MACROD2: variants seen among roughly 807,000 people sequenced by gnomAD.
MACROD2 encodes the protein ADP-ribose glycohydrolase MACROD2.
A neutral mutation model predicts 70.4 loss-of-function variants in MACROD2; 36 were observed. The observed-to-expected ratio is 0.51, with a 90% CI of 0.39 to 0.68. The LOEUF (loss-of-function observed/expected upper bound fraction) is 0.68, where lower values mean the gene tolerates loss of function less well. MACROD2 is among the 30% of genes least tolerant of loss of function. The pLI, the probability that MACROD2 is intolerant of heterozygous loss-of-function variation, is 0.00. For missense variants in MACROD2, 496 were observed against 538.4 expected, an observed-to-expected ratio of 0.92 and a Z score of 0.78; for synonymous variants, 172 against 178.8, an observed-to-expected ratio of 0.96 and a Z score of 0.30.
At chr20:15,046,400 A>G (rs1332500364) in intron 5 of MACROD2, among the ~76,000 whole-genome samples, 1 of 152,176 alleles carries the variant, frequency 6.6e-6, no homozygotes, top group Non-Finnish European at 1.5e-5. Flanking sequence ...CCATTACCGC[A>G]GATTTACCAT....
intron 5 of MACROD2, among the ~76,000 whole-genome samples, chr20:14,808,834 A>T (rs1435060527): frequency 6.6e-6 from 1 of 152,106 alleles, no homozygotes; most frequent in Admixed American, 6.5e-5. Context: ...ATCAAAAAAG[A>T]CAAAGAAGGG....
intron 5 of MACROD2, among the ~76,000 whole-genome samples, chr20:14,976,642 G>A (rs181870933): frequency 3.3e-5 from 5 of 152,194 alleles, no homozygotes; most frequent in African/African-American, 7.2e-5. Flanking sequence ...AGCCTACCTC[G>A]GTTGGTTTCT....
chr20:14,618,797 G>A (rs930211463), intron 4 of MACROD2, among the ~76,000 whole-genome samples: 14 of 152,242 alleles, frequency 9.2e-5, no homozygotes, highest in African/African-American at 3.4e-4. Flanking sequence ...AAATAACAGA[G>A]CCTCTGAAAA....
Position 13,995,595 on chromosome 20 carries a change from A to AGGAGGGCGGCGACT in MACROD2, c.-164_-151dup. 2 of 704,616 alleles carry AGGAGGGCGGCGACT rather than the reference A, an allele frequency of 2.8e-6. No individual in the cohort carries two copies. The highest frequency in any genetic ancestry group is 5.1e-6 in the Non-Finnish European group (2 of 389,652). 43.6% of individuals were successfully genotyped at this position (704,616 alleles called of 1,614,324 possible). A position where few individuals can be genotyped will look rare whatever the true frequency, so the allele number is the denominator to read the frequency against. ...GCCGGAGCCGAGCGCGGGCTGAGGG[A>AGGAGGGCGGCGACT]GGAGGGCGGCGACTGGAGAGCGGCG... On this transcript the variant is annotated 5_prime_UTR_variant, in exon 1 of 18. Transcript: ENST00000684519. This position sits in a 1 kb window ranked among gnomAD's most constrained non-coding sequence, Gnocchi z 4.3.
At chr20:15,223,377 C>T (rs1243991699) in intron 5 of MACROD2, among the ~76,000 whole-genome samples, 1 of 152,194 alleles carries the variant, frequency 6.6e-6, no homozygotes, top group Non-Finnish European at 1.5e-5. Context: ...ACTTTCACCA[C>T]TCATAGGAAG....
chr20:14,972,465 C>A (rs2122805717), intron 5 of MACROD2, among the ~76,000 whole-genome samples: 1 of 152,262 alleles, frequency 6.6e-6, no homozygotes, highest in South Asian at 2.1e-4. Context: ...ATGGGTGACT[C>A]AGCAGCACTA....
At chr20:15,257,290 C>T (rs16995476) in intron 6 of MACROD2, among the ~76,000 whole-genome samples, 16,839 of 151,868 alleles carry the variant, frequency 0.11, 1,212 homozygotes, top group African/African-American at 0.19. Context: ...CAAACTGAGA[C>T]AAATGGAAGC....
At position 15,095,064 on chromosome 20, in the gene MACROD2, C is replaced by CTTTTTTTTT. The variant is rs373794823; in HGVS notation, c.419-134853_419-134845dup. ...TATCTTTTCACTGTGGTCTCCTCTT[C>CTTTTTTTTT]TTTTTTTTTTTTTTTTTTTTTTTTT... On this transcript the variant is annotated intron_variant, in intron 5 of 17. Coordinates refer to ENST00000684519, the MANE Select transcript of MACROD2 (RefSeq NM_001351661.2). 2.7e-4 allele frequency among the ~76,000 whole-genome samples: 24 copies of CTTTTTTTTT among 89,212 alleles called. 1 individual carries two copies. Among genetic ancestry groups the CTTTTTTTTT allele is most frequent in the South Asian group, 7.5e-4 (2 of 2,654 alleles). The allele number at this position is 89,212 out of a possible 152,430, so 58.5% of individuals were successfully genotyped here.
chr20:15,736,673 C>T (rs1381844094), intron 8 of MACROD2, among the ~76,000 whole-genome samples: 1 of 152,090 alleles, frequency 6.6e-6, no homozygotes, highest in African/African-American at 2.4e-5. Context: ...ATAGTTGGCC[C>T]TGTTGTGTCT....
At chr20:14,312,658 G>A (rs2082577215) in intron 3 of MACROD2, among the ~76,000 whole-genome samples, 1 of 152,092 alleles carries the variant, frequency 6.6e-6, no homozygotes, top group African/African-American at 2.4e-5. Context: ...GCAATATATT[G>A]CCTATAGCCA....
intron 6 of MACROD2, among the ~76,000 whole-genome samples, chr20:15,298,223 C>T (rs760626132): frequency 6.6e-6 from 1 of 152,192 alleles, no homozygotes; most frequent in Non-Finnish European, 1.5e-5. Flanking sequence ...CTACTGAAGC[C>T]TCTGGAACAG....
intron 6 of MACROD2, among the ~76,000 whole-genome samples, chr20:15,305,659 G>T (rs1406017529): frequency 1.3e-5 from 2 of 151,870 alleles, no homozygotes; most frequent in Non-Finnish European, 2.9e-5. Flanking sequence ...ATAAAATTGT[G>T]TGTGTGTGTG....
intron 8 of MACROD2, among the ~76,000 whole-genome samples, chr20:15,610,457 T>C (rs1224274573): frequency 6.6e-6 from 1 of 152,150 alleles, no homozygotes; most frequent in East Asian, 1.9e-4. Flanking sequence ...GTAACTCCCA[T>C]CTCCGCCTTA....
intron 8 of MACROD2, among the ~76,000 whole-genome samples, chr20:15,519,408 GTC>G (rs2047620315): frequency 6.6e-6 from 1 of 152,158 alleles, no homozygotes; most frequent in Non-Finnish European, 1.5e-5. Flanking sequence ...ACAGGCGTGA[GTC>G]ACCGTGCCCA....
At chr20:15,582,533 T>A (rs2048539465) in intron 8 of MACROD2, among the ~76,000 whole-genome samples, 1 of 152,188 alleles carries the variant, frequency 6.6e-6, no homozygotes, top group Non-Finnish European at 1.5e-5. Context: ...ATACAGAAGC[T>A]TATATATACT....
At chr20:14,671,145 T>A (rs1190342866) in intron 4 of MACROD2, among the ~76,000 whole-genome samples, 2 of 152,182 alleles carry the variant, frequency 1.3e-5, no homozygotes, top group Non-Finnish European at 2.9e-5. Context: ...TGAGAATTGA[T>A]AGTGGGTAGG....
Position 15,015,487 on chromosome 20 carries a change from T to G in MACROD2, c.419-214453T>G, listed in dbSNP as rs553672941. Among the ~76,000 whole-genome samples the G allele has an allele frequency of 7.9e-5, 12 of 152,170 alleles. No individual in the cohort carries two copies. In the South Asian group the frequency reaches 2.5e-3, roughly 32 times the overall value. ...CCTAACTATGTGTGTTTTTTTTTTT[T>G]TGGTAGTACCCCCAGCACACAATTT... On this transcript the variant is annotated intron_variant, in intron 5 of 17. Coordinates refer to ENST00000684519, the MANE Select transcript of MACROD2 (RefSeq NM_001351661.2).
intron 3 of MACROD2, among the ~76,000 whole-genome samples, chr20:14,384,129 G>A (rs927660600): frequency 1.1e-4 from 16 of 152,012 alleles, no homozygotes; most frequent in Non-Finnish European, 1.9e-4. Flanking sequence ...AAATTAAAAC[G>A]AATTCATCGT....
chr20:15,490,172 T>TCC (rs2047211267), intron 7 of MACROD2, among the ~76,000 whole-genome samples: 2 of 138,870 alleles, frequency 1.4e-5, no homozygotes, highest in East Asian at 2.4e-4. Flanking sequence ...CCTTCCTCCT[T>TCC]TCCTTCCTTC....
Sources: allele counts gnomAD v4.1 joint callset (sites outside exome capture counted in the v4.1 genomes callset), GRCh38; gene constraint gnomAD v4.1.1; non-coding constraint Gnocchi (gnomAD v3.1); transcripts MANE v1.5; gene names NCBI Gene and HGNC (gene_info 2026-07-23, HGNC 2026-07-21).